The following WFDC1 variants were observed in gnomAD, a reference collection of about 807,000 sequenced individuals.
The protein encoded by WFDC1 is WAP four-disulfide core domain protein 1.
In WFDC1, 39 loss-of-function variants were observed where a neutral mutation model predicts 32.9. The observed-to-expected ratio is 1.19, with a 90% CI of 0.92 to 1.55. The LOEUF (loss-of-function observed/expected upper bound fraction) is 1.55. Among genes scored for constraint, WFDC1 ranks in the 40% most tolerant of loss-of-function variants. The pLI is 0.00. For missense variants in WFDC1, 386 were observed against 309.5 expected, an observed-to-expected ratio of 1.25 and a Z score of -1.85; for synonymous variants, 184 against 137.4, an observed-to-expected ratio of 1.34 and a Z score of -2.37.
At chr16:84,322,160 C>CGTGCGTGTGT (rs1555546147) in intron 4 of WFDC1, among the ~76,000 whole-genome samples, 2 of 142,186 alleles carry the variant, frequency 1.4e-5, no homozygotes, top group African/African-American at 2.6e-5. Context: ...TGTGTGTGTG[C>CGTGCGTGTGT]GTGTGTGTGT....
At chr16:84,323,132 A>T (rs1479583167) in intron 4 of WFDC1, among the ~76,000 whole-genome samples, 1 of 152,314 alleles carries the variant, frequency 6.6e-6, no homozygotes, top group East Asian at 1.9e-4. Flanking sequence ...TTGCTTTGGA[A>T]AATAGTTATT....
chr16:84,307,574 A>G (rs985972429), intron 1 of WFDC1, among the ~76,000 whole-genome samples: 2 of 152,202 alleles, frequency 1.3e-5, no homozygotes, highest in African/African-American at 2.4e-5. Flanking sequence ...TGGGACTGCC[A>G]TTAAGGAAGT....
Position 84,319,436 on chromosome 16 carries a change from G to A in WFDC1, c.427G>A (p.Ala143Thr). Residue 143 changes from alanine (A) to threonine (T), a missense_variant, in exon 4 of 7, where the codon GCG (alanine) becomes ACG (threonine). By Grantham distance (58) the Ala-to-Thr change is moderately conservative. Transcript: ENST00000219454. ...AGCGTGTGTCCCTCCTGCAGCAGAGGCGTGCAGCACCACGGAGGATGGGGC... is the reference window on the plus strand; with the variant it reads ...AGCGTGTGTCCCTCCTGCAGCAGAGACGTGCAGCACCACGGAGGATGGGGC... ...DGPEEVLQAE[A>T]CSTTEDGAEP... 6.2e-7 allele frequency: 1 copy of A among 1,610,006 alleles called. No individual in the cohort carries two copies. The highest frequency in any genetic ancestry group is 8.5e-7 in the Non-Finnish European group (1 of 1,179,836).
intron 1 of WFDC1, among the ~76,000 whole-genome samples, chr16:84,300,836 G>A (rs1485531197): frequency 6.6e-6 from 1 of 152,146 alleles, no homozygotes; most frequent in Non-Finnish European, 1.5e-5. Context: ...TGGGCATGGT[G>A]GTGCATGCCT....
intron 2 of WFDC1, 66 bp downstream of exon 2, chr16:84,313,219 AG>A: frequency 7.6e-7 from 1 of 1,307,272 alleles, no homozygotes; most frequent in South Asian, 2.0e-5. Flanking sequence ...GTCCCGGGGG[AG>A]GGGAAGAAAG....
At chr16:84,317,301 TAAATAAATAAATAAA>T in intron 2 of WFDC1, 1 of 18,206 alleles carries the variant, frequency 5.5e-5, no homozygotes, top group East Asian at 1.7e-3. Context: ...TCAAAATAAA[TAAATAAATAAATAAA>T]TAAATAAATA....
chr16:84,318,257 C>G lies in WFDC1; in HGVS notation c.338-15C>G. ...TGCTTGAGGAGGGCCCTGATCTGAC[C>G]CCGTATTGTGTTAGTCTTAGACTGG... is the stretch of plus-strand genomic sequence containing the variant. On this transcript the variant is annotated splice_polypyrimidine_tract_variant and intron_variant, in intron 2 of 6. Coordinates refer to ENST00000219454, the MANE Select transcript of WFDC1 (RefSeq NM_021197.4). 6.2e-7 allele frequency: 1 copy of G among 1,613,928 alleles called. No individual in the cohort carries two copies. The highest frequency in any genetic ancestry group is 8.5e-7 in the Non-Finnish European group (1 of 1,179,840).
intron 4 of WFDC1, among the ~76,000 whole-genome samples, chr16:84,324,165 A>C (rs1908456364): frequency 6.6e-6 from 1 of 152,076 alleles, no homozygotes. Context: ...TTTGCTCTCA[A>C]GACCGCTGTA....
intron 4 of WFDC1, among the ~76,000 whole-genome samples, chr16:84,321,091 T>A (rs574683956): frequency 3.7e-4 from 57 of 152,318 alleles, no homozygotes; most frequent in African/African-American, 1.3e-3. Flanking sequence ...TGTTTGGGGT[T>A]ATAGGGTGGC....
At chr16:84,319,037 G>A (rs553362334) in intron 3 of WFDC1, 69 of 240,732 alleles carry the variant, frequency 2.9e-4, no homozygotes, top group African/African-American at 1.4e-3. Context: ...TTTGTGTGTG[G>A]GGATGCGTGC....
chr16:84,320,617 A>G (rs766823933), intron 4 of WFDC1, among the ~76,000 whole-genome samples: 12 of 152,236 alleles, frequency 7.9e-5, no homozygotes, highest in South Asian at 4.1e-4. Flanking sequence ...AAAGACTTCA[A>G]TGTGCTTTTT....
intron 1 of WFDC1, among the ~76,000 whole-genome samples, chr16:84,311,232 T>C (rs1008247221): frequency 4.3e-5 from 6 of 139,644 alleles, no homozygotes; most frequent in African/African-American, 1.6e-4. Context: ...TCCTATATGT[T>C]AAGTACAGTA....
At chr16:84,310,570 A>G (rs1426579181) in intron 1 of WFDC1, among the ~76,000 whole-genome samples, 1 of 152,198 alleles carries the variant, frequency 6.6e-6, no homozygotes, top group Non-Finnish European at 1.5e-5. Flanking sequence ...TCTCAGCTTT[A>G]CACCCTATTC....
intron 1 of WFDC1, among the ~76,000 whole-genome samples, chr16:84,301,345 C>T (rs867996629): frequency 9.2e-5 from 14 of 152,120 alleles, no homozygotes; most frequent in African/African-American, 2.7e-4. Context: ...TGGTTGCAAC[C>T]GGCAACGAGA....
chr16:84,322,756 A>G (rs1180622921), intron 4 of WFDC1, among the ~76,000 whole-genome samples: 1 of 152,204 alleles, frequency 6.6e-6, no homozygotes, highest in African/African-American at 2.4e-5. Flanking sequence ...GAACACTGAC[A>G]TGTATAGTAA....
At chr16:84,322,644 G>A (rs76621541) in intron 4 of WFDC1, among the ~76,000 whole-genome samples, 4,180 of 152,288 alleles carry the variant, frequency 0.027, 90 homozygotes, top group Admixed American at 0.07. Context: ...CCATCCTCCC[G>A]TAAGAGAGGC....
intron 1 of WFDC1, among the ~76,000 whole-genome samples, chr16:84,298,176 T>C (rs112491350): frequency 0.1 from 15,931 of 152,066 alleles, 903 homozygotes; most frequent in South Asian, 0.17. Flanking sequence ...GGTGTGATCT[T>C]GGTTCACTAC....
At chr16:84,314,765 A>G (rs1907852502) in intron 2 of WFDC1, among the ~76,000 whole-genome samples, 2 of 152,222 alleles carry the variant, frequency 1.3e-5, no homozygotes, top group African/African-American at 2.4e-5. Context: ...ATGGTGGACA[A>G]GCACATAAAG....
chr16:84,325,024 C>T (rs1345216245), intron 5 of WFDC1, among the ~76,000 whole-genome samples: 1 of 152,024 alleles, frequency 6.6e-6, no homozygotes, highest in Non-Finnish European at 1.5e-5. Flanking sequence ...TTCATCCATC[C>T]ATCCACATAT....
Sources: allele counts gnomAD v4.1 joint callset (sites outside exome capture counted in the v4.1 genomes callset), GRCh38; gene constraint gnomAD v4.1.1; transcripts MANE v1.5; gene names NCBI Gene and HGNC (gene_info 2026-07-23, HGNC 2026-07-21).